LRRC69: variants seen among roughly 807,000 people sequenced by gnomAD.
LRRC69 encodes leucine-rich repeat-containing protein 69.
A neutral mutation model predicts 37.8 loss-of-function variants in LRRC69; 42 were observed. That is an observed-to-expected ratio of 1.11 (90% CI 0.87 to 1.44). The LOEUF is 1.44. Ranked by LOEUF, LRRC69 falls within the 40% of genes most tolerant of loss-of-function variation. LRRC69 has a pLI of 0.00. For missense variants in LRRC69, 357 were observed against 401.9 expected (o/e 0.89, Z 0.96); for synonymous variants, 141 against 143.1 (o/e 0.99, Z 0.11).
At chr8:91,154,808 T>G (rs968285174) in intron 5 of LRRC69, among the ~76,000 whole-genome samples, 7 of 151,630 alleles carry the variant, frequency 4.6e-5, no homozygotes, top group Admixed American at 4.0e-4. Context: ...CTTTGGAAAC[T>G]GGCACAAGAC....
intron 2 of LRRC69, among the ~76,000 whole-genome samples, chr8:91,125,766 G>GTA (rs1004030683): frequency 2.0e-5 from 3 of 151,044 alleles, no homozygotes; most frequent in Non-Finnish European, 4.4e-5. Context: ...GGTAAGTTAG[G>GTA]TATATATATA....
intron 1 of LRRC69, chr8:91,118,274 G>T (rs910818131): frequency 2.2e-6 from 1 of 448,100 alleles, no homozygotes; most frequent in East Asian, 7.2e-5. Context: ...GGAGGCTGAG[G>T]CAGGCGGATC....
chr8:91,147,913 T>C (rs1443126773), intron 5 of LRRC69, among the ~76,000 whole-genome samples: 2 of 151,650 alleles, frequency 1.3e-5, no homozygotes, highest in African/African-American at 4.8e-5. Flanking sequence ...CCTGTGTCCA[T>C]GTATTCTCAT....
intron 5 of LRRC69, among the ~76,000 whole-genome samples, chr8:91,150,989 A>G (rs1342049460): frequency 6.6e-6 from 1 of 151,472 alleles, no homozygotes; most frequent in Non-Finnish European, 1.5e-5. Context: ...TTTCTTTATT[A>G]GTCTTGCTAG....
chr8:91,130,532 C>T (rs768417991), intron 3 of LRRC69: 2 of 152,016 alleles, frequency 1.3e-5, no homozygotes, highest in Non-Finnish European at 2.9e-5. Context: ...GCCTCGGCCT[C>T]CCAAAATGTT....
intron 1 of LRRC69, among the ~76,000 whole-genome samples, chr8:91,120,124 C>CT (rs1270234321): frequency 6.6e-6 from 1 of 151,964 alleles, no homozygotes; most frequent in Non-Finnish European, 1.5e-5. Flanking sequence ...GTTGTCTTTG[C>CT]TTTCTCACAT....
chr8:91,218,080 C>G (rs1025098224), intron 7 of LRRC69, among the ~76,000 whole-genome samples: 2 of 152,130 alleles, frequency 1.3e-5, no homozygotes, highest in Non-Finnish European at 2.9e-5. Context: ...GAAGAGTGAA[C>G]AGAACAGCAA....
intron 5 of LRRC69, among the ~76,000 whole-genome samples, chr8:91,179,584 A>AT (rs1310050495): frequency 6.6e-6 from 1 of 152,078 alleles, no homozygotes; most frequent in Non-Finnish European, 1.5e-5. Context: ...TACCCACTTT[A>AT]TTTTTTCCTA....
chr8:91,216,020 C>T (rs1810039958), intron 7 of LRRC69, among the ~76,000 whole-genome samples: 1 of 151,978 alleles, frequency 6.6e-6, no homozygotes, highest in African/African-American at 2.4e-5. Flanking sequence ...AGTGTAATAC[C>T]AAGAAATTAT....
intron 5 of LRRC69, among the ~76,000 whole-genome samples, chr8:91,145,257 G>A (rs2130535529): frequency 6.6e-6 from 1 of 152,004 alleles, no homozygotes; most frequent in Non-Finnish European, 1.5e-5. Flanking sequence ...GATACACAGG[G>A]AAAGGTCCAT....
intron 5 of LRRC69, among the ~76,000 whole-genome samples, chr8:91,183,332 A>G (rs190576999): frequency 6.6e-6 from 1 of 152,326 alleles, no homozygotes; most frequent in East Asian, 1.9e-4. Context: ...TCGAATAAGA[A>G]ATGAAGATAA....
intron 7 of LRRC69, among the ~76,000 whole-genome samples, chr8:91,209,015 G>C (rs767559234): frequency 2.0e-4 from 30 of 152,160 alleles, no homozygotes; most frequent in Non-Finnish European, 3.7e-4. Flanking sequence ...GCTGACTAAA[G>C]ACACCAAGTT....
intron 1 of LRRC69, among the ~76,000 whole-genome samples, chr8:91,110,035 A>T (rs539169506): frequency 2.0e-5 from 3 of 152,150 alleles, no homozygotes; most frequent in African/African-American, 4.8e-5. Context: ...GGCCATACAT[A>T]TGCTAATTCA....
chr8:91,163,370 C>CATAA (rs1808978243), intron 5 of LRRC69, among the ~76,000 whole-genome samples: 1 of 151,346 alleles, frequency 6.6e-6, no homozygotes, highest in Non-Finnish European at 1.5e-5. Context: ...AAGAGCAGTC[C>CATAA]TTGGCAAATA....
intron 5 of LRRC69, among the ~76,000 whole-genome samples, chr8:91,141,632 T>C (rs1281072174): frequency 6.6e-6 from 1 of 152,096 alleles, no homozygotes; most frequent in East Asian, 1.9e-4. Context: ...TGTTGCTGTA[T>C]AGAAACTTTG....
At chr8:91,109,217 T>C (rs1179162936) in intron 1 of LRRC69, among the ~76,000 whole-genome samples, 1 of 152,098 alleles carries the variant, frequency 6.6e-6, no homozygotes, top group African/African-American at 2.4e-5. Context: ...TAAGGTCTCT[T>C]GAACCCCTGC....
chr8:91,201,926 C>T (rs1809717022), intron 7 of LRRC69, among the ~76,000 whole-genome samples: 1 of 152,124 alleles, frequency 6.6e-6, no homozygotes, highest in African/African-American at 2.4e-5. Flanking sequence ...GAAATTTAGG[C>T]TGGGTGCGGT....
chr8:91,135,203 T>C (rs1813888371), intron 4 of LRRC69, among the ~76,000 whole-genome samples: 1 of 152,028 alleles, frequency 6.6e-6, no homozygotes, highest in Non-Finnish European at 1.5e-5. Flanking sequence ...AGAAGAGGAC[T>C]CCCTTCAAGG....
chr8:91,118,302 C>T (rs375796392), intron 1 of LRRC69: 25 of 410,738 alleles, frequency 6.1e-5, no homozygotes, highest in Admixed American at 2.0e-4. Flanking sequence ...ACCAGGAGTT[C>T]GAGACCAGCC....
Sources: allele counts gnomAD v4.1 joint callset (sites outside exome capture counted in the v4.1 genomes callset), GRCh38; gene constraint gnomAD v4.1.1; transcripts MANE v1.5; gene names NCBI Gene and HGNC (gene_info 2026-07-23, HGNC 2026-07-21).